The following SENP6 variants were observed in gnomAD, a reference collection of about 807,000 sequenced individuals.
SENP6 encodes sentrin-specific protease 6.
A neutral mutation model predicts 134.5 loss-of-function variants in SENP6; 41 were observed. The ratio of observed to expected loss-of-function variants is 0.30; its 90% CI spans 0.24 to 0.40. The LOEUF is 0.40. Ranked by LOEUF, SENP6 falls within the 10% of genes least tolerant of loss-of-function variation. The pLI is 1.00. For missense variants in SENP6, 1,248 were observed against 1,312.5 expected (o/e 0.95, Z 0.76); for synonymous variants, 395 against 429.8 (o/e 0.92, Z 1.00).
intron 6 of SENP6, among the ~76,000 whole-genome samples, chr6:75,641,457 T>C (rs1770021493): frequency 6.6e-6 from 1 of 152,206 alleles, no homozygotes; most frequent in Non-Finnish European, 1.5e-5. Context: ...GTTAAAACTT[T>C]AAACATCAAG....
At chr6:75,603,330 T>G (rs923280548) in intron 1 of SENP6, among the ~76,000 whole-genome samples, 5 of 152,168 alleles carry the variant, frequency 3.3e-5, no homozygotes, top group African/African-American at 1.2e-4. Flanking sequence ...TTGATTTTTT[T>G]GGCCTATGAA....
chr6:75,634,851 A>G, intron 5 of SENP6, 40 bp downstream of exon 5: 2 of 1,272,490 alleles, frequency 1.6e-6, no homozygotes, highest in Non-Finnish European at 2.3e-6. Flanking sequence ...TATACATGGC[A>G]TCTTCTTCAA....
At chr6:75,650,096 AGACTAGTCAGTTGCTTTGT>A (rs1770755955) in intron 7 of SENP6, among the ~76,000 whole-genome samples, 1 of 152,144 alleles carries the variant, frequency 6.6e-6, no homozygotes, top group African/African-American at 2.4e-5. Context: ...ACGATTTTGA[AGACTAGTCAGTTGCTTTGT>A]ATAATGCCTC....
At chr6:75,656,424 G>C (rs1252464850) in intron 7 of SENP6, among the ~76,000 whole-genome samples, 1 of 152,044 alleles carries the variant, frequency 6.6e-6, no homozygotes, top group Non-Finnish European at 1.5e-5. Context: ...CATCAGCCTA[G>C]CAAAAATCAC....
chr6:75,678,608 T>G lies in SENP6; in HGVS notation c.1874T>G (p.Leu625Arg). ...GTATCATTTGAATCTAAAATACAAC[T>G]TAGAAGCAAACAAGAATTTCAGTTT... ...KTVSFESKIQ[L>R]RSKQEFQFFD... The change falls in exon 15 of 24, where the codon CTT (leucine) becomes CGT (arginine). Residue 625 changes from leucine to arginine, a missense_variant. Leu to Arg is a moderately radical substitution (Grantham distance 102). Coordinates refer to ENST00000447266, the MANE Select transcript of SENP6 (RefSeq NM_015571.4). 1.3e-6 allele frequency: 2 copies of G among 1,578,994 alleles called. No individual in the cohort carries two copies. The highest frequency in any genetic ancestry group is 1.7e-6 in the Non-Finnish European group (2 of 1,151,604).
chr6:75,696,342 C>T (rs943583198), intron 17 of SENP6, among the ~76,000 whole-genome samples: 5 of 152,174 alleles, frequency 3.3e-5, no homozygotes, highest in African/African-American at 1.2e-4. Context: ...TTACTAACTA[C>T]AGATTACTCT....
In SENP6 at chr6:75,639,600, A is replaced by C. The variant is rs952382309; in HGVS notation, c.459-1084A>C. ...TTTTATAATAAGGATAAATAATATT[A>C]GACATGAATCTCATTTTATTCTAAA... On this transcript the variant is annotated intron_variant, in intron 5 of 23. Coordinates refer to ENST00000447266, the MANE Select transcript of SENP6 (RefSeq NM_015571.4). 3.3e-5 allele frequency among the ~76,000 whole-genome samples: 5 copies of C among 152,258 alleles called. No homozygotes were observed. The South Asian group carries it at 1.0e-3, about 32-fold the overall frequency.
chr6:75,643,652 G>A (rs1182926525), intron 6 of SENP6, among the ~76,000 whole-genome samples: 4 of 152,172 alleles, frequency 2.6e-5, no homozygotes, highest in Non-Finnish European at 5.9e-5. Flanking sequence ...AACCTGGGAG[G>A]CGAAGGTTGC....
At chr6:75,686,279 C>T (rs1773835149) in intron 16 of SENP6, among the ~76,000 whole-genome samples, 1 of 152,062 alleles carries the variant, frequency 6.6e-6, no homozygotes, top group Non-Finnish European at 1.5e-5. Flanking sequence ...TATTTTGAGC[C>T]TGTGTGTCTC....
At chr6:75,667,475 G>T (rs73751246) in intron 10 of SENP6, among the ~76,000 whole-genome samples, 69 of 152,132 alleles carry the variant, frequency 4.5e-4, no homozygotes, top group African/African-American at 1.7e-3. Flanking sequence ...TGGACAAAAA[G>T]AAAATTCATG....
chr6:75,631,431 A>T (rs1769107422), intron 3 of SENP6, among the ~76,000 whole-genome samples: 1 of 152,194 alleles, frequency 6.6e-6, no homozygotes. Flanking sequence ...AATTCTAATA[A>T]CTTGCTATGC....
chr6:75,613,183 C>T (rs1330144757), intron 1 of SENP6, among the ~76,000 whole-genome samples: 1 of 151,440 alleles, frequency 6.6e-6, no homozygotes, highest in Non-Finnish European at 1.5e-5. Flanking sequence ...TTAAGAGGCT[C>T]ATGAGCTCAG....
At chr6:75,679,183 G>A (rs879552430) in intron 16 of SENP6, 2 of 300,832 alleles carry the variant, frequency 6.6e-6, no homozygotes, top group Non-Finnish European at 1.2e-5. Flanking sequence ...GGAGGTCAAG[G>A]TGGGAGGATC....
Position 75,715,583 on chromosome 6 carries a change from A to G in SENP6, c.3328A>G (p.Ile1110Val), listed in dbSNP as rs776253373. ...AGGAACAGAACAATATGTCAATAGT[A>G]TCTCAGATTGACCATTTCTGTTACT... ...GEGTEQYVNS[I>V]SD The change falls in exon 24 of 24, where the codon ATC becomes GTC. Residue 1110 changes from isoleucine to valine, a missense_variant. Ile to Val is a conservative substitution (Grantham distance 29). Transcript: ENST00000447266. 31 of 1,607,446 alleles carry G rather than the reference A, an allele frequency of 1.9e-5. No individual in the cohort carries two copies. Among genetic ancestry groups the G allele is most frequent in the Non-Finnish European group, 2.6e-5 (31 of 1,176,410 alleles).
intron 8 of SENP6, among the ~76,000 whole-genome samples, chr6:75,662,394 C>T (rs1302649611): frequency 6.6e-6 from 1 of 152,024 alleles, no homozygotes; most frequent in African/African-American, 2.4e-5. Context: ...GTCAGCCTCC[C>T]AATGTGTTGG....
chr6:75,623,180 T>TTA, intron 2 of SENP6, among the ~76,000 whole-genome samples: 1 of 152,196 alleles, frequency 6.6e-6, no homozygotes, highest in Non-Finnish European at 1.5e-5. Flanking sequence ...GTATTTGACT[T>TTA]TCTTTGATGG....
intron 11 of SENP6, among the ~76,000 whole-genome samples, chr6:75,672,676 T>C (rs966498650): frequency 6.6e-6 from 1 of 152,242 alleles, no homozygotes; most frequent in Admixed American, 6.5e-5. Flanking sequence ...AGTGAAATGA[T>C]TTATCTGCCA....
At position 75,659,382 on chromosome 6, in the gene SENP6, CA is replaced by C; in HGVS notation, c.678del (p.Lys226AsnfsTer3). ...YQPTPPLSPA[S>X]KKCLTHLEDL... ...CCTACTCCTCCTCTATCTCCTGCTT[CA>C]AAAAAATGTTTAACCCATTTAGAGG... On this transcript the variant is annotated frameshift_variant, in exon 8 of 24. Coordinates refer to ENST00000447266, the MANE Select transcript of SENP6 (RefSeq NM_015571.4). LOFTEE classifies it high-confidence loss of function. 2 of 1,607,308 alleles carry C rather than the reference CA, an allele frequency of 1.2e-6. No homozygotes were observed. The highest frequency in any genetic ancestry group is 1.7e-5 in the Admixed American group (1 of 58,472).
intron 10 of SENP6, among the ~76,000 whole-genome samples, chr6:75,669,789 A>G (rs1055912159): frequency 6.6e-6 from 1 of 152,232 alleles, no homozygotes; most frequent in Non-Finnish European, 1.5e-5. Flanking sequence ...TATCACTGCC[A>G]CTATAACTAG....
Sources: gnomAD v4.1 joint callset for allele counts (sites outside exome capture counted in the v4.1 genomes callset) on GRCh38, gnomAD v4.1.1 for gene constraint, MANE v1.5 for transcripts, NCBI Gene and HGNC (gene_info 2026-07-23, HGNC 2026-07-21) for gene names.